NMNAT3: variants seen among roughly 807,000 people sequenced by gnomAD.
The protein encoded by NMNAT3 is nicotinamide/nicotinic acid mononucleotide adenylyltransferase 3.
A neutral mutation model predicts 24.8 loss-of-function variants in NMNAT3; 21 were observed. The ratio of observed to expected loss-of-function variants is 0.85; its 90% CI spans 0.60 to 1.22. The LOEUF is 1.22. Among genes scored for constraint, NMNAT3 ranks in the 50% most tolerant of loss-of-function variants. NMNAT3 has a pLI of 0.00. For missense variants in NMNAT3, 387 were observed against 436.6 expected (o/e 0.89, Z 1.01); for synonymous variants, 136 against 155.2 (o/e 0.88, Z 0.92).
chr3:139,576,457 C>A (rs753663131), intron 5 of NMNAT3, among the ~76,000 whole-genome samples: 20 of 152,138 alleles, frequency 1.3e-4, no homozygotes, highest in Non-Finnish European at 1.6e-4. Context: ...GAGCCCACCC[C>A]TGACAAATCA....
intron 3 of NMNAT3, among the ~76,000 whole-genome samples, chr3:139,600,025 C>T (rs2054641950): frequency 6.6e-6 from 1 of 152,172 alleles, no homozygotes; most frequent in Admixed American, 6.5e-5. Flanking sequence ...CTCCTCAGTG[C>T]CCTTGGAATA....
intron 2 of NMNAT3, among the ~76,000 whole-genome samples, chr3:139,629,951 C>T (rs1232954996): frequency 6.6e-6 from 1 of 152,166 alleles, no homozygotes; most frequent in Non-Finnish European, 1.5e-5. Flanking sequence ...ATATTAGCTG[C>T]AAATACCAGA....
chr3:139,608,124 A>G (rs2055027695), intron 3 of NMNAT3, among the ~76,000 whole-genome samples: 1 of 152,202 alleles, frequency 6.6e-6, no homozygotes, highest in Non-Finnish European at 1.5e-5. Context: ...CTGAATGATC[A>G]TCGCTTCCCA....
chr3:139,636,052 G>A (rs1182149367), intron 2 of NMNAT3: 1 of 152,194 alleles, frequency 6.6e-6, no homozygotes, highest in Non-Finnish European at 1.5e-5. Flanking sequence ...AGGACTTGAT[G>A]ACCCTGAAGC....
At chr3:139,632,139 T>C (rs1172920502) in intron 2 of NMNAT3, among the ~76,000 whole-genome samples, 1 of 152,102 alleles carries the variant, frequency 6.6e-6, no homozygotes, top group Non-Finnish European at 1.5e-5. Flanking sequence ...AGGAAATGTG[T>C]GTGGAAAGAA....
intron 5 of NMNAT3, among the ~76,000 whole-genome samples, chr3:139,577,217 A>G (rs957459208): frequency 1.3e-5 from 2 of 152,208 alleles, no homozygotes; most frequent in Non-Finnish European, 2.9e-5. Flanking sequence ...AATCGTAAAT[A>G]GTACTATGGT....
At chr3:139,599,596 C>G in intron 3 of NMNAT3, 1 of 589,648 alleles carries the variant, frequency 1.7e-6, no homozygotes, top group Non-Finnish European at 3.0e-6. Flanking sequence ...TTATGCATGC[C>G]TTTACAAACA....
At chr3:139,564,144 A>G (rs1022547681) in intron 6 of NMNAT3, among the ~76,000 whole-genome samples, 1 of 152,190 alleles carries the variant, frequency 6.6e-6, no homozygotes, top group Non-Finnish European at 1.5e-5. Context: ...CTTCAGCCAT[A>G]AAATGGGGAT....
chr3:139,602,515 A>G (rs2054761777), intron 3 of NMNAT3, among the ~76,000 whole-genome samples: 1 of 152,230 alleles, frequency 6.6e-6, no homozygotes, highest in Non-Finnish European at 1.5e-5. Context: ...TGTCATTGAC[A>G]AAAATGCAAA....
chr3:139,659,370 A>G (rs970518913), intron 1 of NMNAT3, among the ~76,000 whole-genome samples: 2 of 152,228 alleles, frequency 1.3e-5, no homozygotes, highest in African/African-American at 4.8e-5. Context: ...GAAGATCAAA[A>G]AGCACAGTTC....
chr3:139,613,497 G>A (rs1452248421), intron 3 of NMNAT3, among the ~76,000 whole-genome samples: 1 of 152,230 alleles, frequency 6.6e-6, no homozygotes, highest in Admixed American at 6.5e-5. Context: ...AGGTGCTGGA[G>A]AGGATGTGGA....
chr3:139,641,480 G>A (rs1206599391), intron 1 of NMNAT3, among the ~76,000 whole-genome samples: 1 of 152,150 alleles, frequency 6.6e-6, no homozygotes, highest in African/African-American at 2.4e-5. Flanking sequence ...GCAAGGGCCT[G>A]GCCCCAGGGG....
intron 4 of NMNAT3, among the ~76,000 whole-genome samples, chr3:139,580,668 AT>A (rs1278898654): frequency 1.3e-5 from 2 of 152,162 alleles, no homozygotes; most frequent in Non-Finnish European, 1.5e-5. Context: ...CAGTAGTCAA[AT>A]TTTTGACTAC....
At chr3:139,562,275 T>G (rs970821163) in intron 6 of NMNAT3, among the ~76,000 whole-genome samples, 16 of 152,186 alleles carry the variant, frequency 1.1e-4, no homozygotes, top group African/African-American at 3.9e-4. Flanking sequence ...TTGTAACTGC[T>G]GGGTTCTGCT....
At chr3:139,633,508 A>G (rs1203695034) in intron 2 of NMNAT3, among the ~76,000 whole-genome samples, 1 of 152,198 alleles carries the variant, frequency 6.6e-6, no homozygotes, top group Admixed American at 6.5e-5. Context: ...GCCACACATT[A>G]GTTTCCTATG....
At chr3:139,566,678 G>C (rs1207207217) in intron 6 of NMNAT3, 16 of 152,016 alleles carry the variant, frequency 1.1e-4, no homozygotes, top group South Asian at 2.1e-4. Flanking sequence ...GTTGTAGATA[G>C]GTGGCATTAT....
chr3:139,627,072 A>AT (rs1222556546), intron 3 of NMNAT3, among the ~76,000 whole-genome samples: 1 of 152,212 alleles, frequency 6.6e-6, no homozygotes, highest in Non-Finnish European at 1.5e-5. Context: ...AGCAGGTGAA[A>AT]TATCCTCAGA....
intron 3 of NMNAT3, among the ~76,000 whole-genome samples, chr3:139,593,129 A>G (rs1299019040): frequency 6.6e-6 from 1 of 152,208 alleles, no homozygotes; most frequent in East Asian, 1.9e-4. Flanking sequence ...AGGAAGATCT[A>G]CCAAGCAAAT....
chr3:139,636,075 C>G (rs749007452), intron 2 of NMNAT3: 1 of 152,152 alleles, frequency 6.6e-6, no homozygotes. Context: ...TCATGCCAAC[C>G]CCGGGCTGCC....
Sources: allele counts gnomAD v4.1 joint callset (sites outside exome capture counted in the v4.1 genomes callset), GRCh38; gene constraint gnomAD v4.1.1; transcripts MANE v1.5; gene names NCBI Gene and HGNC (gene_info 2026-07-23, HGNC 2026-07-21).